HYDIN: variants seen among roughly 807,000 people sequenced by gnomAD.
HYDIN encodes the protein axonemal central pair apparatus protein HYDIN.
HYDIN carries 132 observed loss-of-function variants against 403.9 expected under a neutral mutation model. The ratio of observed to expected loss-of-function variants is 0.33; its 90% confidence interval spans 0.28 to 0.38. The LOEUF (loss-of-function observed/expected upper bound fraction) is 0.38. Ranked by LOEUF, HYDIN falls within the 10% of genes least tolerant of loss-of-function variation. HYDIN has a pLI of 1.00. For missense variants in HYDIN, 2,827 were observed against 5,009.5 expected (o/e 0.56, Z 13.15); for synonymous variants, 1,202 against 1,891.7 (o/e 0.64, Z 9.46).
At chr16:70,834,463 C>T (rs1402987606) in intron 78 of HYDIN, among the ~76,000 whole-genome samples, 1 of 152,154 alleles carries the variant, frequency 6.6e-6, no homozygotes. Flanking sequence ...CTCCCTGATA[C>T]AGGAAATAGT....
At chr16:70,997,345 G>C (rs2079564556) in intron 23 of HYDIN, among the ~76,000 whole-genome samples, 2 of 141,860 alleles carry the variant, frequency 1.4e-5, no homozygotes, top group East Asian at 4.1e-4. Flanking sequence ...ATTCCCCAGG[G>C]ACAGGGAAGA....
At position 70,908,379 on chromosome 16, in the gene HYDIN, G is replaced by A; in HGVS notation, c.8269C>T (p.His2757Tyr). 7.7e-7 allele frequency: 1 copy of A among 1,294,768 alleles called. No homozygotes were observed. The highest frequency in any genetic ancestry group is 1.1e-6 in the Non-Finnish European group (1 of 926,020). 80.2% of individuals were successfully genotyped at this position (1,294,768 alleles called of 1,614,324 possible). ...TTCCCGAACTCATCAGAAGAGAAGT[G>A]CACCTGCAACGTTACCTCGCCATTG... Reference protein sequence around the residue: ...PANGEVTLQVHFSSDEFGNFD... With the variant: ...PANGEVTLQVYFSSDEFGNFD... The change falls in exon 49 of 86, where the codon CAC (histidine) becomes TAC (tyrosine). Residue 2757 changes from histidine (H) to tyrosine (Y), a missense_variant. Coordinates refer to ENST00000393567, the MANE Select transcript of HYDIN (RefSeq NM_001270974.2).
rs2035073089 is a variant in HYDIN, at chr16:70,805,560, T to C, written c.*2020A>G. Among the ~76,000 whole-genome samples, 1 of 152,206 alleles carries C rather than the reference T, an allele frequency of 6.6e-6. No homozygotes were observed. The highest frequency in any genetic ancestry group is 2.4e-5 in the African/African-American group (1 of 41,440). ...CCTGAGGGTGGGGCTCAGCAATCTG[T>C]TTCAGTAAGCCCTCCAGGGGATGCT... On this transcript the variant is annotated 3_prime_UTR_variant, in exon 86 of 86. Coordinates refer to ENST00000393567, the MANE Select transcript of HYDIN (RefSeq NM_001270974.2).
At chr16:71,188,183 T>C (rs1266217470) in intron 1 of HYDIN, among the ~76,000 whole-genome samples, 1 of 152,130 alleles carries the variant, frequency 6.6e-6, no homozygotes, top group African/African-American at 2.4e-5. Flanking sequence ...CCCCCCGCCC[T>C]AGGTTTTTGC....
intron 10 of HYDIN, among the ~76,000 whole-genome samples, chr16:71,109,385 C>T (rs954768145): frequency 1.5e-5 from 2 of 134,670 alleles, no homozygotes; most frequent in East Asian, 4.0e-4. Flanking sequence ...CGCAAAACGA[C>T]ATGAGGAGGA....
chr16:71,202,897 C>A (rs1451062486), intron 1 of HYDIN, among the ~76,000 whole-genome samples: 1 of 152,152 alleles, frequency 6.6e-6, no homozygotes, highest in East Asian at 1.9e-4. Context: ...GAGAGGTAGG[C>A]AGACATAGCC....
At chr16:71,210,165 TC>T (rs1418270046) in intron 1 of HYDIN, among the ~76,000 whole-genome samples, 1 of 152,048 alleles carries the variant, frequency 6.6e-6, no homozygotes. Context: ...CTGAGTATGG[TC>T]CCAAAGGAAT....
chr16:70,866,351 C>T (rs771703481), intron 66 of HYDIN, 22 bp from the exon 67 acceptor site: 3 of 829,328 alleles, frequency 3.6e-6, no homozygotes, highest in Non-Finnish European at 5.8e-6. Context: ...GCAGCTGTGT[C>T]CTCAGAGATG....
chr16:70,859,049 C>G (rs755453767), intron 71 of HYDIN, among the ~76,000 whole-genome samples: 3 of 151,602 alleles, frequency 2.0e-5, no homozygotes, highest in Admixed American at 6.6e-5. Context: ...CACCTGTAAT[C>G]CCAGCACTTT....
At chr16:70,835,591 A>G in intron 78 of HYDIN, 85 bp downstream of exon 78, 1 of 618,688 alleles carries the variant, frequency 1.6e-6, no homozygotes, top group Non-Finnish European at 2.9e-6. Context: ...TGCACAAGAA[A>G]TGTGAGCTGC....
At chr16:71,172,055 T>C (rs888275924) in intron 5 of HYDIN, among the ~76,000 whole-genome samples, 20 of 152,212 alleles carry the variant, frequency 1.3e-4, no homozygotes, top group Non-Finnish European at 4.4e-5. Flanking sequence ...GATACTGACA[T>C]TTAAATTCAA....
chr16:71,193,348 A>G (rs11859810), intron 1 of HYDIN, among the ~76,000 whole-genome samples: 2,117 of 152,348 alleles, frequency 0.014, 58 homozygotes, highest in African/African-American at 0.049. Context: ...TCTACTTAAC[A>G]GAGTCCAGGT....
intron 13 of HYDIN, among the ~76,000 whole-genome samples, chr16:71,073,107 T>C (rs1479042186): frequency 6.6e-6 from 1 of 152,264 alleles, no homozygotes; most frequent in Non-Finnish European, 1.5e-5. Flanking sequence ...AATAGACTGC[T>C]ATTTCAAGTC....
At chr16:71,066,797 G>C (rs550940322) in intron 15 of HYDIN, 18 of 450,674 alleles carry the variant, frequency 4.0e-5, no homozygotes, top group Admixed American at 2.7e-4. Flanking sequence ...TTAAAGATGA[G>C]CCTCATCTTG....
chr16:71,031,974 G>C (rs1597596680), intron 18 of HYDIN, 57 bp from the exon 19 acceptor site: 1 of 1,468,830 alleles, frequency 6.8e-7, no homozygotes, highest in East Asian at 2.3e-5. Context: ...TTGTTCTATA[G>C]ATGTCAAAGC....
At chr16:70,872,933 C>T (rs1457266499) in intron 64 of HYDIN, among the ~76,000 whole-genome samples, 1 of 132,920 alleles carries the variant, frequency 7.5e-6, no homozygotes, top group Admixed American at 7.4e-5. Context: ...CATCCACCTA[C>T]CCACTCACCT....
chr16:70,969,021 G>A (rs1189990303), intron 36 of HYDIN, among the ~76,000 whole-genome samples: 4 of 151,972 alleles, frequency 2.6e-5, no homozygotes, highest in African/African-American at 7.2e-5. Context: ...TCAATATGTG[G>A]GCAGAATGAA....
intron 62 of HYDIN, among the ~76,000 whole-genome samples, chr16:70,878,620 T>C (rs1290935537): frequency 2.0e-5 from 3 of 149,152 alleles, no homozygotes; most frequent in African/African-American, 7.8e-5. Flanking sequence ...AGCTGGGTGC[T>C]TACTATCTCC....
Position 70,850,451 on chromosome 16 carries a change from A to G in HYDIN, c.12648T>C (p.Tyr4216=). The change falls in exon 74 of 86, where the codon TAT becomes TAC. Residue 4216 remains tyrosine (Y), a synonymous_variant. Coordinates refer to ENST00000393567, the MANE Select transcript of HYDIN (RefSeq NM_001270974.2). The part of the protein sequence containing the change: ...TPNQTNIINF[Y]EVELNECVQC... ...CAAGGTCTTCTTACACCTTTACCTC[A>G]TAGAAGTTGATGATGTTAGTCTGGT... 1 of 1,481,708 alleles carries G rather than the reference A, an allele frequency of 6.7e-7. No individual in the cohort carries two copies. The highest frequency in any genetic ancestry group is 1.2e-5 in the South Asian group (1 of 84,208). 91.8% of individuals were successfully genotyped at this position (1,481,708 alleles called of 1,614,324 possible). A position where few individuals can be genotyped will look rare whatever the true frequency, so the allele number is the denominator to read the frequency against.
Sources: gnomAD v4.1 joint callset for allele counts (sites outside exome capture counted in the v4.1 genomes callset) on GRCh38, gnomAD v4.1.1 for gene constraint, MANE v1.5 for transcripts, NCBI Gene and HGNC (gene_info 2026-07-23, HGNC 2026-07-21) for gene names.